PDE8B: variants seen among roughly 807,000 people sequenced by gnomAD.
PDE8B encodes high affinity cAMP-specific and IBMX-insensitive 3',5'-cyclic phosphodiesterase 8B.
In PDE8B, 26 loss-of-function variants were observed where a neutral mutation model predicts 101.3. That is an observed-to-expected ratio of 0.26 (90% confidence interval 0.19 to 0.36). The LOEUF (loss-of-function observed/expected upper bound fraction) is 0.36. PDE8B is among the 10% of genes least tolerant of loss of function. The pLI is 1.00. For synonymous variants in PDE8B, 424 were observed against 429.3 expected (o/e 0.99, Z 0.15); for missense variants, 810 against 1,163.1 (o/e 0.70, Z 4.42).
chr5:77,177,157 T>C, the PDE8B span, among the ~76,000 whole-genome samples: 1,174 of 152,188 alleles, frequency 7.7e-3, 12 homozygotes, highest in African/African-American at 0.027. Context: ...GTGGGTTGAG[T>C]GTTGGGCTCT....
intron 1 of PDE8B, among the ~76,000 whole-genome samples, chr5:77,262,647 C>T (rs1760864810): frequency 6.6e-6 from 1 of 152,202 alleles, no homozygotes; most frequent in Non-Finnish European, 1.5e-5. Context: ...CCTTGATTAT[C>T]TTTCTTGTTG....
chr5:77,136,465 G>C, the PDE8B span, among the ~76,000 whole-genome samples: 1 of 152,148 alleles, frequency 6.6e-6, no homozygotes, highest in Non-Finnish European at 1.5e-5. Flanking sequence ...TAAACATCTA[G>C]TAATACAGGT....
chr5:77,116,840 T>C, the PDE8B span, among the ~76,000 whole-genome samples: 1 of 152,228 alleles, frequency 6.6e-6, no homozygotes, highest in African/African-American at 2.4e-5. Context: ...TGTTTCTTTA[T>C]GGAACTCTTC....
chr5:77,411,832 T>C, intron 15 of PDE8B, 111 bp downstream of exon 15: 1 of 881,110 alleles, frequency 1.1e-6, no homozygotes, highest in Non-Finnish European at 1.9e-6. Context: ...CCCATTTGAG[T>C]TTAAGCATCA....
chr5:77,163,606 A>C, the PDE8B span, among the ~76,000 whole-genome samples: 1 of 152,196 alleles, frequency 6.6e-6, no homozygotes, highest in Non-Finnish European at 1.5e-5. Context: ...CATTACAGGG[A>C]TATAATAAGG....
At chr5:77,110,877 C>G in the PDE8B span, among the ~76,000 whole-genome samples, 3 of 152,168 alleles carry the variant, frequency 2.0e-5, no homozygotes, top group African/African-American at 7.2e-5. Context: ...GCTATTCAGC[C>G]AGTTTCCTTT....
At chr5:77,217,518 T>C (rs557834118) in intron 1 of PDE8B, among the ~76,000 whole-genome samples, 49 of 152,286 alleles carry the variant, frequency 3.2e-4, no homozygotes, top group African/African-American at 1.0e-3. Flanking sequence ...TCTTGGTAGT[T>C]ATGTTTTAGT....
At chr5:77,089,008 A>G in the PDE8B span, among the ~76,000 whole-genome samples, 10 of 152,220 alleles carry the variant, frequency 6.6e-5, no homozygotes, top group African/African-American at 2.4e-4. Context: ...CACCATTCCA[A>G]TAATGGTTTT....
At chr5:77,244,657 A>G (rs140554772) in intron 1 of PDE8B, among the ~76,000 whole-genome samples, 4 of 152,082 alleles carry the variant, frequency 2.6e-5, no homozygotes, top group African/African-American at 9.6e-5. Context: ...CTCTCTCTCT[A>G]TATATAAATT....
intron 1 of PDE8B, among the ~76,000 whole-genome samples, chr5:77,222,789 A>G (rs920019918): frequency 6.6e-6 from 1 of 152,214 alleles, no homozygotes; most frequent in Non-Finnish European, 1.5e-5. Flanking sequence ...AGTCAGCTGA[A>G]GACTGTAAGG....
intron 1 of PDE8B, among the ~76,000 whole-genome samples, chr5:77,231,307 A>T (rs1753511682): frequency 6.6e-6 from 1 of 152,212 alleles, no homozygotes; most frequent in Non-Finnish European, 1.5e-5. Context: ...GAAGTAGGGG[A>T]AAGTGTGTGG....
intron 1 of PDE8B, among the ~76,000 whole-genome samples, chr5:77,307,235 C>T (rs1201100702): frequency 1.3e-5 from 2 of 152,098 alleles, no homozygotes; most frequent in African/African-American, 4.8e-5. Context: ...GTGCTGTTCC[C>T]TATGCCTAGA....
the PDE8B span, chr5:77,140,536 A>T: frequency 6.6e-6 from 1 of 152,262 alleles, no homozygotes; most frequent in Admixed American, 6.5e-5. Context: ...GAATCTGGGG[A>T]TTTCCCTTTC....
the PDE8B span, among the ~76,000 whole-genome samples, chr5:77,094,996 C>A: frequency 6.6e-6 from 1 of 152,100 alleles, no homozygotes; most frequent in African/African-American, 2.4e-5. Context: ...GATATTCAAA[C>A]TATATCAATT....
chr5:77,243,144 A>G (rs1756127924), intron 1 of PDE8B, among the ~76,000 whole-genome samples: 1 of 152,232 alleles, frequency 6.6e-6, no homozygotes, highest in Non-Finnish European at 1.5e-5. Flanking sequence ...GGTGAATTTT[A>G]TAAATATAAT....
chr5:77,358,282 T>C (rs1007589612), intron 10 of PDE8B: 14 of 172,904 alleles, frequency 8.1e-5, no homozygotes, highest in Non-Finnish European at 1.3e-4. Context: ...TTACATGCTT[T>C]TAAATAGTGT....
chr5:77,402,745 A>G (rs895822261), intron 11 of PDE8B, among the ~76,000 whole-genome samples: 3 of 152,212 alleles, frequency 2.0e-5, no homozygotes, highest in Admixed American at 6.5e-5. Flanking sequence ...ATGAGATGCT[A>G]TCATTACCCC....
chr5:77,273,719 G>A (rs1000635965), intron 1 of PDE8B, among the ~76,000 whole-genome samples: 5 of 151,812 alleles, frequency 3.3e-5, no homozygotes, highest in African/African-American at 1.2e-4. Flanking sequence ...CATTTGAGGT[G>A]GACAAAATAG....
intron 1 of PDE8B, among the ~76,000 whole-genome samples, chr5:77,293,157 C>T (rs915415027): frequency 1.3e-5 from 2 of 151,980 alleles, no homozygotes; most frequent in Admixed American, 6.6e-5. Flanking sequence ...TCACATATAT[C>T]GCTTTATATA....
Sources: gnomAD v4.1 joint callset for allele counts (sites outside exome capture counted in the v4.1 genomes callset) on GRCh38, gnomAD v4.1.1 for gene constraint, MANE v1.5 for transcripts, NCBI Gene and HGNC (gene_info 2026-07-23, HGNC 2026-07-21) for gene names.